EML6: variants seen among roughly 807,000 people sequenced by gnomAD.
The protein encoded by EML6 is echinoderm microtubule-associated protein-like 6.
Under a neutral mutation model 240.1 loss-of-function variants are expected in EML6, and 154 were observed. That is an observed-to-expected ratio of 0.64 (90% CI 0.56 to 0.73). The LOEUF (loss-of-function observed/expected upper bound fraction) is 0.73, where lower values mean the gene tolerates loss of function less well. EML6 is among the 30% of genes least tolerant of loss of function. EML6 has a pLI of 0.00. For synonymous variants in EML6, 1,148 were observed against 899.0 expected (o/e 1.28, Z -4.95); for missense variants, 2,964 against 2,474.6 (o/e 1.20, Z -4.20).
At chr2:54,887,897 A>C (rs1336729364) in intron 17 of EML6, among the ~76,000 whole-genome samples, 2 of 152,212 alleles carry the variant, frequency 1.3e-5, no homozygotes, top group African/African-American at 2.4e-5. Context: ...GTTACAATTC[A>C]TGAACCTACC....
intron 5 of EML6, among the ~76,000 whole-genome samples, chr2:54,827,157 A>G (rs112642624): frequency 1.6e-3 from 246 of 152,370 alleles, no homozygotes; most frequent in African/African-American, 5.6e-3. Context: ...GTTACAGACT[A>G]TCACAATTTT....
chr2:54,769,824 C>T (rs536454458), intron 2 of EML6, among the ~76,000 whole-genome samples: 5 of 152,234 alleles, frequency 3.3e-5, no homozygotes, highest in South Asian at 2.1e-4. Flanking sequence ...CCAGTAGATC[C>T]GTAGGACTTG....
intron 5 of EML6, among the ~76,000 whole-genome samples, chr2:54,825,898 A>T (rs1189957177): frequency 6.6e-6 from 1 of 152,186 alleles, no homozygotes; most frequent in Non-Finnish European, 1.5e-5. Context: ...ATTTACTCCC[A>T]CATGCCTGCC....
In EML6 at chr2:54,878,363, T is replaced by C. The variant is rs558308549; in HGVS notation, c.2345-1184T>C. Among the ~76,000 whole-genome samples the C allele has an allele frequency of 1.8e-4, 27 of 152,240 alleles. No individual in the cohort carries two copies. The South Asian group carries it at 4.6e-3, about 26-fold the overall frequency. ...TGGTAGTCAGAGAAGAGCCCTGATA[T>C]ACTGATGCAGGATGAGCTTGATCAC... On this transcript the variant is annotated intron_variant, in intron 16 of 41. Transcript: ENST00000356458.
intron 17 of EML6, chr2:54,881,089 A>G (rs1187002998): frequency 1.3e-5 from 2 of 152,214 alleles, no homozygotes; most frequent in Non-Finnish European, 2.9e-5. Flanking sequence ...CCCAAGCCTT[A>G]TGACACATTC....
intron 2 of EML6, among the ~76,000 whole-genome samples, chr2:54,812,222 G>A (rs1667882857): frequency 6.6e-6 from 1 of 151,862 alleles, no homozygotes; most frequent in Non-Finnish European, 1.5e-5. Flanking sequence ...AAAAGATGAA[G>A]TAATTTGTCC....
intron 2 of EML6, among the ~76,000 whole-genome samples, chr2:54,787,746 A>G (rs1216298762): frequency 6.6e-6 from 1 of 152,106 alleles, no homozygotes; most frequent in East Asian, 1.9e-4. Context: ...CTCAAATCAG[A>G]TTTTATAGGA....
intron 10 of EML6, among the ~76,000 whole-genome samples, chr2:54,851,626 A>T (rs1670095079): frequency 6.6e-6 from 1 of 152,158 alleles, no homozygotes. Context: ...CAATTGTAGA[A>T]CCAACTTTCA....
chr2:54,905,221 T>A lies in EML6; in HGVS notation c.3409+1719T>A, dbSNP rs183586545. Among the ~76,000 whole-genome samples, 156 of 152,124 alleles carry A rather than the reference T, an allele frequency of 1.0e-3. 3 individuals carry two copies. Among genetic ancestry groups the A allele is most frequent in the Admixed American group, 9.2e-3 (140 of 15,262 alleles). On this transcript the variant is annotated intron_variant, in intron 24 of 41. Transcript: ENST00000356458. ...CTGCTTCTCAGACCCTTCTTTGATA[T>A]TCTCTGCTTTTTTTTTTAAAGCAGT...
intron 30 of EML6, among the ~76,000 whole-genome samples, chr2:54,951,139 A>T (rs1442113437): frequency 6.6e-6 from 1 of 152,214 alleles, no homozygotes; most frequent in Non-Finnish European, 1.5e-5. Flanking sequence ...TTGCCTATTC[A>T]TTTTTACAAT....
chr2:54,790,668 T>A (rs1208349441), intron 2 of EML6, among the ~76,000 whole-genome samples: 1 of 151,758 alleles, frequency 6.6e-6, no homozygotes, highest in Non-Finnish European at 1.5e-5. Flanking sequence ...ATCATTCACA[T>A]CCATATTAGT....
At chr2:54,895,095 T>A in intron 20 of EML6, 69 bp downstream of exon 20, 1 of 1,380,382 alleles carries the variant, frequency 7.2e-7, no homozygotes. Context: ...ACTAAAGTTT[T>A]TAGAAAACTA....
At chr2:54,844,004 G>GTT in intron 7 of EML6, 43 bp from the exon 8 acceptor site, 2 of 1,137,902 alleles carry the variant, frequency 1.8e-6, no homozygotes, top group Non-Finnish European at 2.6e-6. Context: ...GTGTGTGTGT[G>GTT]AATAGTGTGA....
chr2:54,864,430 C>G (rs1194988919), intron 13 of EML6, among the ~76,000 whole-genome samples: 1 of 152,194 alleles, frequency 6.6e-6, no homozygotes, highest in Middle Eastern at 3.2e-3. Flanking sequence ...GAAAGCTGAT[C>G]AGCTGACTTC....
At chr2:54,780,042 C>G (rs539391416) in intron 2 of EML6, among the ~76,000 whole-genome samples, 1 of 152,016 alleles carries the variant, frequency 6.6e-6, no homozygotes, top group African/African-American at 2.4e-5. Context: ...ACTCCCACCT[C>G]CTAATTCGGC....
At chr2:54,839,249 T>G (rs1282192223) in intron 7 of EML6, among the ~76,000 whole-genome samples, 2 of 152,218 alleles carry the variant, frequency 1.3e-5, no homozygotes, top group African/African-American at 2.4e-5. Flanking sequence ...TTACCACTCT[T>G]GCATGCAGAA....
At chr2:54,758,059 C>T (rs187021900) in intron 2 of EML6, among the ~76,000 whole-genome samples, 12 of 152,058 alleles carry the variant, frequency 7.9e-5, no homozygotes, top group East Asian at 1.9e-4. Flanking sequence ...TGCCAGTCAC[C>T]GTAATTTTCA....
In EML6 at chr2:54,844,234, T is replaced by A; in HGVS notation, c.1035T>A (p.Asp345Glu). 2 of 1,551,578 alleles carry A rather than the reference T, an allele frequency of 1.3e-6. No individual in the cohort carries two copies. Among genetic ancestry groups the A allele is most frequent in the South Asian group, 1.2e-5 (1 of 84,054 alleles). Residue 345 changes from aspartate to glutamate, a missense_variant, in exon 8 of 42, where the codon GAT becomes GAA. Physicochemically the swap from Asp to Glu is conservative, Grantham distance 45. Coordinates refer to ENST00000356458, the MANE Select transcript of EML6 (RefSeq NM_001039753.4). ...AGCCTCTGGCTGTGACAGGCAGCGA[T>A]GACCGCTCTGTCAGGTGAGGCCCTA... is the stretch of plus-strand genomic sequence containing the variant. Reference protein sequence around the residue: ...PKKPLAVTGSDDRSVRLWSLA... With the variant: ...PKKPLAVTGSEDRSVRLWSLA...
At chr2:54,914,664 C>A (rs1371682194) in intron 25 of EML6, among the ~76,000 whole-genome samples, 1 of 152,106 alleles carries the variant, frequency 6.6e-6, no homozygotes, top group African/African-American at 2.4e-5. Flanking sequence ...CTTTCTTGGC[C>A]AACTTCCCTA....
Sources: gnomAD v4.1 joint callset for allele counts (sites outside exome capture counted in the v4.1 genomes callset) on GRCh38, gnomAD v4.1.1 for gene constraint, MANE v1.5 for transcripts, NCBI Gene and HGNC (gene_info 2026-07-23, HGNC 2026-07-21) for gene names.